The following SLC12A8 variants were observed in gnomAD, a reference collection of about 807,000 sequenced individuals.
The protein encoded by SLC12A8 is cation-chloride cotransporter 9.
In SLC12A8, 69 loss-of-function variants were observed where a neutral mutation model predicts 75.6. That is an observed-to-expected ratio of 0.91 (90% CI 0.75 to 1.11). The LOEUF (loss-of-function observed/expected upper bound fraction) is 1.11. Ranked by LOEUF, SLC12A8 falls within the 50% of genes most tolerant of loss-of-function variation. The probability of loss-of-function intolerance (pLI) is 0.00; values close to 1 mark genes in which losing one functional copy is unlikely to be tolerated. For missense variants in SLC12A8, 877 were observed against 896.7 expected, an observed-to-expected ratio of 0.98 and a Z score of 0.28; for synonymous variants, 365 against 372.8, an observed-to-expected ratio of 0.98 and a Z score of 0.24.
At chr3:125,202,503 G>A (rs1373784029) in intron 2 of SLC12A8, among the ~76,000 whole-genome samples, 3 of 152,054 alleles carry the variant, frequency 2.0e-5, no homozygotes, top group African/African-American at 4.8e-5. Flanking sequence ...AACCCCAGAC[G>A]ATTAAATGAT....
chr3:125,182,753 G>A (rs1031309724), intron 4 of SLC12A8, among the ~76,000 whole-genome samples: 3 of 152,248 alleles, frequency 2.0e-5, no homozygotes, highest in African/African-American at 2.4e-5. Flanking sequence ...TGATCCACCC[G>A]CCTTGGCCTC....
chr3:125,187,549 G>T, intron 3 of SLC12A8, 121 bp from the exon 4 acceptor site: 1 of 860,666 alleles, frequency 1.2e-6, no homozygotes, highest in Non-Finnish European at 1.9e-6. Context: ...AGGGGTGGGG[G>T]CACAGAGTCA....
chr3:125,165,950 T>C (rs1425067414), intron 5 of SLC12A8, among the ~76,000 whole-genome samples: 1 of 152,234 alleles, frequency 6.6e-6, no homozygotes, highest in Non-Finnish European at 1.5e-5. Context: ...ACCCACTTTG[T>C]ATGTTTGGAA....
At chr3:125,104,916 A>G (rs1560052513) in intron 10 of SLC12A8, among the ~76,000 whole-genome samples, 1 of 152,184 alleles carries the variant, frequency 6.6e-6, no homozygotes, top group Non-Finnish European at 1.5e-5. Context: ...ACTAAGTGAT[A>G]AAGGAGCATG....
rs746166521 is a variant in SLC12A8, at chr3:125,187,416, C to A, written c.211G>T (p.Val71Leu). 17 of 1,614,006 alleles carry A rather than the reference C, an allele frequency of 1.1e-5. No homozygotes were observed. In the African/African-American group the frequency reaches 2.3e-4, roughly 22 times the overall value. The change falls in exon 4 of 14, where the codon GTG becomes TTG. Residue 71 changes from valine to leucine, a missense_variant. Coordinates refer to ENST00000469902, the MANE Select transcript of SLC12A8 (RefSeq NM_024628.6). ...GACACCAGGAACATGCCCAGGAGCACTCCTGTGTTTCCCTGCAGCAGAATA... is the reference window on the plus strand; with the variant it reads ...GACACCAGGAACATGCCCAGGAGCAATCCTGTGTTTCCCTGCAGCAGAATA... ...RTGWLVGNTG[V>L]LLGMFLVSFV...
At chr3:125,120,935 C>CA in intron 6 of SLC12A8, 1 of 688,628 alleles carries the variant, frequency 1.5e-6, no homozygotes, top group South Asian at 1.5e-5. Context: ...GCTCCAAAAG[C>CA]ATCCTACCGC....
intron 8 of SLC12A8, among the ~76,000 whole-genome samples, chr3:125,118,527 T>C (rs1932952650): frequency 6.6e-6 from 1 of 152,120 alleles, no homozygotes; most frequent in Non-Finnish European, 1.5e-5. Context: ...TACCTGGCGG[T>C]CTGAGACAGG....
chr3:125,206,536 A>G (rs1370279704), intron 2 of SLC12A8: 2 of 152,318 alleles, frequency 1.3e-5, no homozygotes, highest in Non-Finnish European at 2.9e-5. Context: ...CCATTGCCCC[A>G]AAACTTGACC....
At chr3:125,208,131 C>T (rs573033226) in intron 2 of SLC12A8, among the ~76,000 whole-genome samples, 3 of 152,326 alleles carry the variant, frequency 2.0e-5, no homozygotes, top group South Asian at 2.1e-4. Flanking sequence ...TGCCTCCAGA[C>T]AGAGGCCCCT....
intron 5 of SLC12A8, among the ~76,000 whole-genome samples, chr3:125,171,152 A>T (rs1372592212): frequency 1.3e-5 from 2 of 152,254 alleles, no homozygotes; most frequent in Non-Finnish European, 2.9e-5. Context: ...TGATTTTAAA[A>T]TTAACTATTG....
At chr3:125,113,742 T>A (rs182549404) in intron 8 of SLC12A8, among the ~76,000 whole-genome samples, 1 of 152,272 alleles carries the variant, frequency 6.6e-6, no homozygotes, top group East Asian at 1.9e-4. Flanking sequence ...CCCCCAGAGC[T>A]CTTTCCAAAA....
intron 6 of SLC12A8, among the ~76,000 whole-genome samples, chr3:125,122,494 A>G (rs1433700619): frequency 6.6e-6 from 1 of 152,200 alleles, no homozygotes; most frequent in African/African-American, 2.4e-5. Flanking sequence ...GGAGGACCCT[A>G]AGTAGATGAA....
At chr3:125,198,976 C>T (rs1411211622) in intron 2 of SLC12A8, among the ~76,000 whole-genome samples, 1 of 151,954 alleles carries the variant, frequency 6.6e-6, no homozygotes, top group African/African-American at 2.4e-5. Flanking sequence ...GATGGGGTTT[C>T]ACCGTGTTAG....
chr3:125,149,008 C>T (rs1298667478), intron 5 of SLC12A8, among the ~76,000 whole-genome samples: 1 of 152,204 alleles, frequency 6.6e-6, no homozygotes, highest in African/African-American at 2.4e-5. Context: ...CACCCCTCAG[C>T]GGTCACCCAT....
rs1560053740 is a variant in SLC12A8, at chr3:125,108,062, A to G, written c.1124T>C (p.Val375Ala). 2 of 1,614,196 alleles carry G rather than the reference A, an allele frequency of 1.2e-6. No individual in the cohort carries two copies. The highest frequency in any genetic ancestry group is 8.5e-7 in the Non-Finnish European group (1 of 1,180,038). The change falls in exon 10 of 14, where the codon GTT (valine) becomes GCT (alanine). Residue 375 changes from valine to alanine, a missense_variant. By Grantham distance (64) the Val-to-Ala change is moderately conservative. Coordinates refer to ENST00000469902, the MANE Select transcript of SLC12A8 (RefSeq NM_024628.6). ...CLTSLVTMAFVFVGQVNVLAP... is the reference protein window; with the variant it reads ...CLTSLVTMAFAFVGQVNVLAP... ...CAGAACGTTCACTTGACCCACAAAA[A>G]CAAAGGCCATGGTCACCAAGCTGGT...
intron 10 of SLC12A8, among the ~76,000 whole-genome samples, chr3:125,098,073 T>C (rs1938760690): frequency 6.6e-6 from 1 of 152,220 alleles, no homozygotes; most frequent in Non-Finnish European, 1.5e-5. Flanking sequence ...ACCCCAATTA[T>C]GTTAATTTTT....
chr3:125,168,484 G>C (rs1202496988), intron 5 of SLC12A8, among the ~76,000 whole-genome samples: 1 of 152,176 alleles, frequency 6.6e-6, no homozygotes, highest in Non-Finnish European at 1.5e-5. Flanking sequence ...GAGAGCCACT[G>C]GTGCAGCGAT....
At chr3:125,084,251 A>AGG (rs1938402746) in intron 13 of SLC12A8, among the ~76,000 whole-genome samples, 199 bp from the exon 14 acceptor site, 1 of 25,376 alleles carries the variant, frequency 3.9e-5, no homozygotes, top group African/African-American at 4.9e-4. Context: ...TAAAATAAAA[A>AGG]GAGACAGAGA....
At chr3:125,144,944 C>A (rs549390108) in intron 5 of SLC12A8, among the ~76,000 whole-genome samples, 3 of 152,320 alleles carry the variant, frequency 2.0e-5, no homozygotes, top group Admixed American at 1.3e-4. Context: ...CATGCTCAGA[C>A]CCCTTCCCCA....
Sources: allele counts gnomAD v4.1 joint callset (sites outside exome capture counted in the v4.1 genomes callset), GRCh38; gene constraint gnomAD v4.1.1; transcripts MANE v1.5; gene names NCBI Gene and HGNC (gene_info 2026-07-23, HGNC 2026-07-21).